ZNF251: variants seen among roughly 807,000 people sequenced by gnomAD.
ZNF251 encodes the protein zinc finger protein 251.
A neutral mutation model predicts 13.5 loss-of-function variants in ZNF251; 14 were observed. The ratio of observed to expected loss-of-function variants is 1.04; its 90% confidence interval spans 0.69 to 1.63. The LOEUF is 1.63. Ranked by LOEUF, ZNF251 falls within the 40% of genes most tolerant of loss-of-function variation. The probability of loss-of-function intolerance (pLI) is 0.00; values close to 1 mark genes in which losing one functional copy is unlikely to be tolerated. For synonymous variants in ZNF251, 287 were observed against 295.2 expected (o/e 0.97, Z 0.28); for missense variants, 764 against 834.9 (o/e 0.92, Z 1.05).
In ZNF251 at chr8:144,721,215, C is replaced by T. The variant is rs1171838405; in HGVS notation, c.*429G>A. On this transcript the variant is annotated 3_prime_UTR_variant, in exon 5 of 5. Transcript: ENST00000292562. ...TGGAGAGAGTAAGGCTAAGCGCCCCCAGCAGGCCCAAGTTCTCTGTACCAC... is the reference window on the plus strand; with the variant it reads ...TGGAGAGAGTAAGGCTAAGCGCCCCTAGCAGGCCCAAGTTCTCTGTACCAC... The T allele has an allele frequency of 4.7e-6, 1 of 214,590 alleles. No homozygotes were observed. The highest frequency in any genetic ancestry group is 9.7e-5 in the East Asian group (1 of 10,306). The allele number at this position is 214,590 out of a possible 1,614,324, so 13.3% of individuals were successfully genotyped here.
rs542508768 is a variant in ZNF251 at position 144,745,548 on chromosome 8, G to C, written c.277+8135C>G. Among the ~76,000 whole-genome samples the C allele has an allele frequency of 6.6e-5, 10 of 152,042 alleles. No individual in the cohort carries two copies. In the South Asian group the frequency reaches 2.1e-3, roughly 32 times the overall value. The stretch of plus-strand genomic sequence containing the variant: ...TAATATCCACAGAATAACCTGCTGA[G>C]TTTTTTTCGTTTTTTAGAGACAGGG... On this transcript the variant is annotated intron_variant, in intron 4 of 4. Transcript: ENST00000292562.
At chr8:144,747,666 C>T (rs570688340) in intron 4 of ZNF251, among the ~76,000 whole-genome samples, 1 of 50 alleles carries the variant, frequency 0.02, no homozygotes, top group African/African-American at 0.1. Context: ...GGCTGGAGTG[C>T]GATGGCGCGA....
At chr8:144,738,848 G>A (rs1003257693) in intron 4 of ZNF251, 1 of 985,100 alleles carries the variant, frequency 1.0e-6, no homozygotes, top group African/African-American at 1.7e-5. Context: ...CTTGTTCAAG[G>A]CAACCTCATG....
intron 4 of ZNF251, among the ~76,000 whole-genome samples, chr8:144,753,274 G>GAAAAAAA (rs11336657): frequency 9.6e-5 from 4 of 41,834 alleles, no homozygotes; most frequent in Non-Finnish European, 1.2e-4. Flanking sequence ...ATTCTGTCTC[G>GAAAAAAA]AAAAAAAAAA....
chr8:144,722,741 T>C lies in ZNF251; in HGVS notation c.919A>G (p.Thr307Ala), dbSNP rs1199424398. Residue 307 changes from threonine (T) to alanine (A), a missense_variant, in exon 5 of 5, where the codon ACT (threonine) becomes GCT (alanine). Physicochemically the swap from Thr to Ala is moderately conservative, Grantham distance 58. Transcript: ENST00000292562. This position sits in a 1 kb window ranked among gnomAD's most constrained non-coding sequence, Gnocchi z 4.8. ...ECGKAFSRSS[T>A]LIQHRIIHTG... ...TGAATGATCCGATGTTGAATAAGAGTTGAGCTTCGACTGAAAGCCTTCCCA... is the reference window on the plus strand; with the variant it reads ...TGAATGATCCGATGTTGAATAAGAGCTGAGCTTCGACTGAAAGCCTTCCCA... 1.2e-6 allele frequency: 2 copies of C among 1,613,948 alleles called. No homozygotes were observed. The highest frequency in any genetic ancestry group is 2.2e-5 in the East Asian group (1 of 44,894).
At chr8:144,745,373 C>T (rs943793697) in intron 4 of ZNF251, among the ~76,000 whole-genome samples, 2 of 151,724 alleles carry the variant, frequency 1.3e-5, no homozygotes, top group Admixed American at 1.3e-4. Flanking sequence ...GTTTTTTGAC[C>T]AATACCACAC....
At chr8:144,746,614 G>A (rs1824442538) in intron 4 of ZNF251, among the ~76,000 whole-genome samples, 1 of 152,126 alleles carries the variant, frequency 6.6e-6, no homozygotes, top group South Asian at 2.1e-4. Flanking sequence ...ACCCATCTGA[G>A]CCCAGTGGAT....
intron 4 of ZNF251, chr8:144,738,401 C>T (rs1325184705): frequency 4.3e-6 from 1 of 229,970 alleles, no homozygotes; most frequent in Non-Finnish European, 7.2e-6. Flanking sequence ...GGACTCCAAT[C>T]CCCACCATGC....
intron 4 of ZNF251, among the ~76,000 whole-genome samples, chr8:144,729,823 C>T (rs933694659): frequency 1.3e-5 from 2 of 152,092 alleles, no homozygotes; most frequent in Admixed American, 6.6e-5. Context: ...ACCGCACCTC[C>T]GCACTCCAGC....
At chr8:144,750,404 T>C (rs369640356) in intron 4 of ZNF251, among the ~76,000 whole-genome samples, 1 of 152,302 alleles carries the variant, frequency 6.6e-6, no homozygotes, top group South Asian at 2.1e-4. Context: ...TTCCCCCACC[T>C]GCCATTAGGT....
In ZNF251 at chr8:144,723,239, C is replaced by T. The variant is rs1477946497; in HGVS notation, c.421G>A (p.Gly141Ser). ...AEFREAWGRE[G>S]KLKERVGNSA... Reference sequence around the variant, plus strand: ...TTTCCCACGCGCTCTTTGAGTTTGCCCTCACGGCCCCATGCTTCCCGAAAC... The same window carrying T: ...TTTCCCACGCGCTCTTTGAGTTTGCTCTCACGGCCCCATGCTTCCCGAAAC... Residue 141 changes from glycine to serine, a missense_variant, in exon 5 of 5, where the codon GGC becomes AGC. Coordinates refer to ENST00000292562, the MANE Select transcript of ZNF251 (RefSeq NM_138367.2). 3 of 1,613,414 alleles carry T rather than the reference C, an allele frequency of 1.9e-6. No homozygotes were observed. The highest frequency in any genetic ancestry group is 3.3e-5 in the Admixed American group (2 of 59,860).
At chr8:144,753,395 T>C in intron 4 of ZNF251, 1 of 271,622 alleles carries the variant, frequency 3.7e-6, no homozygotes, top group Non-Finnish European at 6.7e-6. Flanking sequence ...CAAAAGGAAA[T>C]AAGTGTATTA....
intron 4 of ZNF251, among the ~76,000 whole-genome samples, chr8:144,740,096 A>C (rs375082420): frequency 7.0e-6 from 1 of 142,384 alleles, no homozygotes; most frequent in Non-Finnish European, 1.5e-5. Flanking sequence ...GACCAGCCTG[A>C]CCAACATGGA....
At chr8:144,732,611 G>A (rs1044302006) in intron 4 of ZNF251, among the ~76,000 whole-genome samples, 2 of 151,686 alleles carry the variant, frequency 1.3e-5, no homozygotes, top group Admixed American at 6.6e-5. Flanking sequence ...AGGAGATGGA[G>A]ACCATCCTGG....
intron 4 of ZNF251, among the ~76,000 whole-genome samples, chr8:144,749,144 AAT>A (rs1824570461): frequency 6.6e-6 from 1 of 152,112 alleles, no homozygotes; most frequent in South Asian, 2.1e-4. Context: ...TAGTCTGAGC[AAT>A]AGAGTGAGAC....
In ZNF251 at chr8:144,722,280, G is replaced by T. The variant is rs776566952; in HGVS notation, c.1380C>A (p.Pro460=). ...CTTTCCCACATTCAACGCACTGGTA[G>T]GGCTTCTCCCCAGTGTGAACTCTTC... ...QHRRVHTGEK[P]YQCVECGKAF... is the part of the protein sequence containing the mutation. Residue 460 remains proline, a synonymous_variant, in exon 5 of 5, where the codon CCC becomes CCA. Coordinates refer to ENST00000292562, the MANE Select transcript of ZNF251 (RefSeq NM_138367.2). The surrounding 1 kb of genome is among the most constrained non-coding windows in gnomAD (Gnocchi z 4.8). The T allele has an allele frequency of 1.2e-6, 2 of 1,613,950 alleles. No homozygotes were observed. Among genetic ancestry groups the T allele is most frequent in the South Asian group, 1.1e-5 (1 of 91,080 alleles).
Position 144,722,269 on chromosome 8 carries a change from A to G in ZNF251, c.1391T>C (p.Val464Ala), listed in dbSNP as rs1428293080. 21 of 1,612,098 alleles carry G rather than the reference A, an allele frequency of 1.3e-5. No individual in the cohort carries two copies. Among genetic ancestry groups the G allele is most frequent in the Admixed American group, 1.7e-5 (1 of 59,832 alleles). Residue 464 changes from valine (V) to alanine (A), a missense_variant, in exon 5 of 5, where the codon GTT becomes GCT. Val to Ala is a moderately conservative substitution (Grantham distance 64). Transcript: ENST00000292562. This position sits in a 1 kb window ranked among gnomAD's most constrained non-coding sequence, Gnocchi z 4.8. Reference sequence around the variant, plus strand: ...CTGGCTGAAAGCTTTCCCACATTCAACGCACTGGTAGGGCTTCTCCCCAGT... The same window carrying G: ...CTGGCTGAAAGCTTTCCCACATTCAGCGCACTGGTAGGGCTTCTCCCCAGT... ...VHTGEKPYQCVECGKAFSQSS... is the reference protein window; with the variant it reads ...VHTGEKPYQCAECGKAFSQSS...
intron 4 of ZNF251, among the ~76,000 whole-genome samples, chr8:144,739,316 AG>A (rs901366027): frequency 6.9e-6 from 1 of 144,680 alleles, no homozygotes; most frequent in Non-Finnish European, 1.5e-5. Flanking sequence ...TCCCCAAACT[AG>A]GATCACAAAT....
At chr8:144,730,407 G>GCAGGGCCCT (rs1563757399) in intron 4 of ZNF251, among the ~76,000 whole-genome samples, 1 of 35,922 alleles carries the variant, frequency 2.8e-5, no homozygotes, top group African/African-American at 1.3e-4. Flanking sequence ...GCGTCCCGGG[G>GCAGGGCCCT]GTGACACTGG....
Sources: allele counts gnomAD v4.1 joint callset (sites outside exome capture counted in the v4.1 genomes callset), GRCh38; gene constraint gnomAD v4.1.1; non-coding constraint Gnocchi (gnomAD v3.1); transcripts MANE v1.5; gene names NCBI Gene and HGNC (gene_info 2026-07-23, HGNC 2026-07-21).